Variants in FKBP4 observed in about 807,000 individuals in gnomAD.
The protein encoded by FKBP4 is FKBP prolyl isomerase 4.
FKBP4 carries 28 observed loss-of-function variants against 54.1 expected under a neutral mutation model. The observed-to-expected ratio is 0.52, with a 90% CI of 0.38 to 0.71. The LOEUF (loss-of-function observed/expected upper bound fraction) is 0.71. Ranked by LOEUF, FKBP4 falls within the 30% of genes least tolerant of loss-of-function variation. The pLI is 0.00. For missense variants in FKBP4, 493 were observed against 574.4 expected (o/e 0.86, Z 1.45); for synonymous variants, 223 against 216.1 (o/e 1.03, Z -0.28).
rs2097906355 is a variant in FKBP4, at chr12:2,804,185, C to A, written c.*927C>A. On this transcript the variant is annotated 3_prime_UTR_variant, in exon 10 of 10. Transcript: ENST00000001008. ...GCTTCGCCCAAGGTTCCCAGCACTC[C>A]CTCCCTCCAGCAACCTGGCAGTTTT... 1 of 152,284 alleles carries A rather than the reference C, an allele frequency of 6.6e-6. No homozygotes were observed. Among genetic ancestry groups the A allele is most frequent in the South Asian group, 2.1e-4 (1 of 4,828 alleles). The allele number at this position is 152,284 out of a possible 1,614,324, so 9.4% of individuals were successfully genotyped here.
At chr12:2,800,896 A>T (rs1470411577) in intron 8 of FKBP4, among the ~76,000 whole-genome samples, 1 of 152,166 alleles carries the variant, frequency 6.6e-6, no homozygotes, top group Non-Finnish European at 1.5e-5. Context: ...TGAAGTCTTT[A>T]TTTCATCCAA....
In FKBP4 at chr12:2,795,613, C is replaced by T. The variant is rs2097901267; in HGVS notation, c.105+369C>T. 6.8e-6 allele frequency: 1 copy of T among 147,498 alleles called. No individual in the cohort carries two copies. The highest frequency in any genetic ancestry group is 2.5e-5 in the African/African-American group (1 of 40,814). The allele number at this position is 147,498 out of a possible 1,614,324, so 9.1% of individuals were successfully genotyped here. On this transcript the variant is annotated intron_variant, in intron 1 of 9. Coordinates refer to ENST00000001008, the MANE Select transcript of FKBP4 (RefSeq NM_002014.4). This position sits in a 1 kb window ranked among gnomAD's most constrained non-coding sequence, Gnocchi z 4.3. ...GGGCACCCGAGCCGCAGCCCGGGGC[C>T]AGGCCGGGCCTCCCACGCCACGCCG...
intron 1 of FKBP4, 107 bp from the exon 2 acceptor site, chr12:2,797,031 G>A: frequency 6.7e-7 from 1 of 1,503,056 alleles, no homozygotes; most frequent in Non-Finnish European, 8.9e-7. Context: ...AGAGGAGGAT[G>A]AACACAGAGA....
In FKBP4 at chr12:2,800,426, AG is replaced by A; in HGVS notation, c.882del (p.Lys295ArgfsTer36). On this transcript the variant is annotated frameshift_variant, in exon 8 of 10. Transcript: ENST00000001008. LOFTEE classifies it high-confidence loss of function. ...GKYKQALLQY[K>X]KIVSWLEYES... is the part of the protein sequence containing the mutation. The stretch of plus-strand genomic sequence containing the variant: ...TACAAGCAAGCTTTACTACAGTATA[AG>A]AAGATCGTGTCTTGGCTGGAATATG... 6.2e-7 allele frequency: 1 copy of A among 1,613,908 alleles called. No homozygotes were observed. The highest frequency in any genetic ancestry group is 8.5e-7 in the Non-Finnish European group (1 of 1,179,832).
In FKBP4 at chr12:2,797,844, T is replaced by TC; in HGVS notation, c.372dup (p.Asn125GlnfsTer7). ...GTTCAGCAGGCAGTCCTCCAAAGAT[T>TC]CCCCCCAATGCCACGCTTGTATTTG... On this transcript the variant is annotated frameshift_variant, in exon 3 of 10. Coordinates refer to ENST00000001008, the MANE Select transcript of FKBP4 (RefSeq NM_002014.4). LOFTEE classifies it high-confidence loss of function. The TC allele has an allele frequency of 1.2e-6, 2 of 1,613,678 alleles. No homozygotes were observed. Among genetic ancestry groups the TC allele is most frequent in the Non-Finnish European group, 1.7e-6 (2 of 1,179,820 alleles).
rs752626063 is a variant in FKBP4, at chr12:2,797,763, C to T, written c.285C>T (p.Ala95=). The T allele has an allele frequency of 1.2e-6, 2 of 1,613,858 alleles. No homozygotes were observed. The highest frequency in any genetic ancestry group is 8.5e-7 in the Non-Finnish European group (1 of 1,179,840). Residue 95 remains alanine, a synonymous_variant, in exon 3 of 10, where the codon GCC becomes GCT. Coordinates refer to ENST00000001008, the MANE Select transcript of FKBP4 (RefSeq NM_002014.4). ...TCAAGGCTTGGGACATTGCCATAGCCACCATGAAGGTGGGGGAGGTGTGCC... is the reference window on the plus strand; with the variant it reads ...TCAAGGCTTGGGACATTGCCATAGCTACCATGAAGGTGGGGGAGGTGTGCC... The part of the protein sequence containing the change: ...EVIKAWDIAI[A]TMKVGEVCHI...
In FKBP4 at chr12:2,801,314, C is replaced by G. The variant is rs762943432; in HGVS notation, c.1230C>G (p.Leu410=). The change falls in exon 9 of 10, where the codon CTC becomes CTG. Residue 410 remains leucine, a synonymous_variant. Coordinates refer to ENST00000001008, the MANE Select transcript of FKBP4 (RefSeq NM_002014.4). ...IRRQLAREKK[L]YANMFERLAE... The stretch of plus-strand genomic sequence containing the variant: ...GGCAGCTTGCCCGGGAGAAGAAGCT[C>G]TATGCCAATATGTTTGAGAGGCTGG... 6.2e-7 allele frequency: 1 copy of G among 1,614,154 alleles called. No homozygotes were observed. Among genetic ancestry groups the G allele is most frequent in the Non-Finnish European group, 8.5e-7 (1 of 1,180,032 alleles).
intron 2 of FKBP4, 131 bp downstream of exon 2, chr12:2,797,413 CTTTT>C (rs376179985): frequency 1.6e-5 from 13 of 812,700 alleles, no homozygotes; most frequent in African/African-American, 4.4e-5. Context: ...TTCGGTCACT[CTTTT>C]TTTTTTTTTT....
intron 5 of FKBP4, 66 bp downstream of exon 5, chr12:2,799,310 T>C: frequency 6.9e-7 from 1 of 1,440,008 alleles, no homozygotes. Flanking sequence ...TAAAATGAAT[T>C]GTAGAACCAG....
chr12:2,801,493 C>T (rs532018282), intron 9 of FKBP4, 137 bp downstream of exon 9: 54 of 1,206,126 alleles, frequency 4.5e-5, no homozygotes, highest in Middle Eastern at 2.0e-4. Context: ...TTAAGGAGCA[C>T]GTGTTCCTGC....
chr12:2,797,063 G>A (rs2097902243), intron 1 of FKBP4, 75 bp from the exon 2 acceptor site: 1 of 1,587,316 alleles, frequency 6.3e-7, no homozygotes, highest in African/African-American at 1.3e-5. Context: ...GTTCCCTCTG[G>A]AGGCTTGCAG....
chr12:2,802,712 T>G (rs2097905529), intron 9 of FKBP4, among the ~76,000 whole-genome samples: 1 of 152,164 alleles, frequency 6.6e-6, no homozygotes, highest in South Asian at 2.1e-4. Flanking sequence ...TCATAATTTG[T>G]ACATATACAA....
chr12:2,799,911 TA>T lies in FKBP4; in HGVS notation c.734del (p.Tyr245LeufsTer17). 6.2e-7 allele frequency: 1 copy of T among 1,614,182 alleles called. No individual in the cohort carries two copies. On this transcript the variant is annotated frameshift_variant, in exon 6 of 10. Transcript: ENST00000001008. LOFTEE classifies it high-confidence loss of function. ...FQIPPNAELK[Y>X]ELHLKSFEKA... ...AATCCCACCAAATGCTGAGCTGAAA[TA>T]TGAATTACACCTCAAGAGTTTTGAA... is the stretch of plus-strand genomic sequence containing the variant.
At chr12:2,796,346 T>C in intron 1 of FKBP4, 1 of 1,289,204 alleles carries the variant, frequency 7.8e-7, no homozygotes, top group Non-Finnish European at 1.0e-6. Context: ...GTCCTGCCGT[T>C]TTCTACGAGA....
In FKBP4 at chr12:2,798,757, G is replaced by A. The variant is rs772045995; in HGVS notation, c.445G>A (p.Gly149Arg). Residue 149 changes from glycine (G) to arginine (R), a missense_variant, in exon 4 of 10, where the codon GGA becomes AGA. Coordinates refer to ENST00000001008, the MANE Select transcript of FKBP4 (RefSeq NM_002014.4). The surrounding 1 kb of genome is among the most constrained non-coding windows in gnomAD (Gnocchi z 4.3). ...GEDLTEEEDGGIIRRIQTRGE... is the reference protein window; with the variant it reads ...GEDLTEEEDGRIIRRIQTRGE... ...AGATCTGACGGAAGAGGAAGATGGC[G>A]GAATCATTCGCAGAATACAGACTCG... is the stretch of plus-strand genomic sequence containing the variant. The A allele has an allele frequency of 6.2e-6, 10 of 1,614,154 alleles. No individual in the cohort carries two copies. The highest frequency in any genetic ancestry group is 1.7e-5 in the Admixed American group (1 of 60,022).
In FKBP4 at chr12:2,795,299, C is replaced by T. The variant is rs955960061; in HGVS notation, c.105+55C>T. 8 of 987,916 alleles carry T rather than the reference C, an allele frequency of 8.1e-6. No individual in the cohort carries two copies. The African/African-American group carries it at 1.4e-4, about 17-fold the overall frequency. 61.2% of individuals were successfully genotyped at this position (987,916 alleles called of 1,614,324 possible). ...CGGAACCCGGGGCCCCGCGGGCCGC[C>T]CTTCCGCCGCGCCCGGAGCCCGCGG... On this transcript the variant is annotated intron_variant, in intron 1 of 9. Coordinates refer to ENST00000001008, the MANE Select transcript of FKBP4 (RefSeq NM_002014.4). The surrounding 1 kb of genome is among the most constrained non-coding windows in gnomAD (Gnocchi z 4.3).
At position 2,803,205 on chromosome 12, in the gene FKBP4, G is replaced by A. The variant is rs753397010; in HGVS notation, c.1327G>A (p.Glu443Lys). 1.0e-5 allele frequency: 16 copies of A among 1,604,892 alleles called. No individual in the cohort carries two copies. The highest frequency in any genetic ancestry group is 1.3e-5 in the Non-Finnish European group (15 of 1,175,972). The change falls in exon 10 of 10, where the codon GAG becomes AAG. Residue 443 changes from glutamate to lysine, a missense_variant. By Grantham distance (56) the Glu-to-Lys change is moderately conservative. Transcript: ENST00000001008. ...TCCCACTGACACAGAGATGAAGGAG[G>A]AGCAGAAGAGCAACACGGCAGGGAG... ...DHPTDTEMKE[E>K]QKSNTAGSQS...
At chr12:2,802,766 C>T (rs10848705) in intron 9 of FKBP4, among the ~76,000 whole-genome samples, 21,599 of 151,894 alleles carry the variant, frequency 0.14, 1,725 homozygotes, top group South Asian at 0.33. Flanking sequence ...CTTGCCCTGC[C>T]GCCCAGGCTG....
At position 2,803,480 on chromosome 12, in the gene FKBP4, C is replaced by T; in HGVS notation, c.*222C>T. On this transcript the variant is annotated 3_prime_UTR_variant, in exon 10 of 10. Transcript: ENST00000001008. Reference sequence around the variant, plus strand: ...GCCCCTCTTCCCTTCCTCCATTGCACATGAACATATGTCCATCCATATATA... The same window carrying T: ...GCCCCTCTTCCCTTCCTCCATTGCATATGAACATATGTCCATCCATATATA... 1 of 550,640 alleles carries T rather than the reference C, an allele frequency of 1.8e-6. No homozygotes were observed. The highest frequency in any genetic ancestry group is 3.3e-6 in the Non-Finnish European group (1 of 305,404). 34.1% of individuals were successfully genotyped at this position (550,640 alleles called of 1,614,324 possible).
Sources: allele counts gnomAD v4.1 joint callset (sites outside exome capture counted in the v4.1 genomes callset), GRCh38; gene constraint gnomAD v4.1.1; non-coding constraint Gnocchi (gnomAD v3.1); transcripts MANE v1.5; gene names NCBI Gene and HGNC (gene_info 2026-07-23, HGNC 2026-07-21).